The following KAZN variants were observed in gnomAD, a reference collection of about 807,000 sequenced individuals.
KAZN encodes the protein kazrin.
A neutral mutation model predicts 87.4 loss-of-function variants in KAZN; 40 were observed. That is an observed-to-expected ratio of 0.46 (90% CI 0.36 to 0.60). KAZN has a LOEUF of 0.60. Ranked by LOEUF, KAZN falls within the 20% of genes least tolerant of loss-of-function variation. The probability of loss-of-function intolerance (pLI) is 0.00; values close to 1 mark genes in which losing one functional copy is unlikely to be tolerated. For missense variants in KAZN, 898 were observed against 1,073.9 expected, an observed-to-expected ratio of 0.84 and a Z score of 2.29; for synonymous variants, 466 against 458.3, an observed-to-expected ratio of 1.02 and a Z score of -0.22.
intron 1 of KAZN, among the ~76,000 whole-genome samples, chr1:14,670,897 A>G (rs1318137094): frequency 6.6e-6 from 1 of 152,216 alleles, no homozygotes; most frequent in Non-Finnish European, 1.5e-5. Flanking sequence ...GGAACATTTG[A>G]CAATGTCTGA....
chr1:14,451,774 G>T (rs1667290780), intron 2 of KAZN, among the ~76,000 whole-genome samples: 1 of 152,172 alleles, frequency 6.6e-6, no homozygotes, highest in Non-Finnish European at 1.5e-5. Flanking sequence ...AAGAGCTGAT[G>T]ATGGTGTAAG....
chr1:14,387,848 C>T (rs991519328), intron 2 of KAZN, among the ~76,000 whole-genome samples: 8 of 152,164 alleles, frequency 5.3e-5, no homozygotes, highest in African/African-American at 1.4e-4. Context: ...CCACCCAGTT[C>T]GAGCTTCCCG....
chr1:15,013,599 T>C (rs1450559558), intron 2 of KAZN, among the ~76,000 whole-genome samples: 1 of 151,178 alleles, frequency 6.6e-6, no homozygotes, highest in African/African-American at 2.5e-5. Flanking sequence ...ATTAAAAAAA[T>C]ATAAAAATTA....
intron 1 of KAZN, among the ~76,000 whole-genome samples, chr1:14,076,540 C>T (rs1306940356): frequency 5.9e-5 from 9 of 152,140 alleles, no homozygotes; most frequent in Non-Finnish European, 1.2e-4. Flanking sequence ...GTTTAAGCCA[C>T]CTAGTCTGTG....
intron 1 of KAZN, among the ~76,000 whole-genome samples, chr1:14,834,356 C>CTTTTTT (rs34228625): frequency 3.4e-5 from 3 of 88,656 alleles, no homozygotes; most frequent in Non-Finnish European, 6.3e-5. Context: ...AAGTCACTTC[C>CTTTTTT]TTTTTTTTTT....
intron 2 of KAZN, among the ~76,000 whole-genome samples, chr1:14,962,720 C>A (rs1664025370): frequency 6.6e-6 from 1 of 152,154 alleles, no homozygotes; most frequent in Non-Finnish European, 1.5e-5. Flanking sequence ...CATTCTGTGT[C>A]CCAGGGACAG....
intron 1 of KAZN, among the ~76,000 whole-genome samples, chr1:14,801,047 TC>T (rs1190046474): frequency 4.2e-4 from 54 of 128,730 alleles, no homozygotes; most frequent in Admixed American, 1.8e-3. Flanking sequence ...GAACTTTATC[TC>T]AAAAAAAAAA....
At chr1:15,073,685 T>C (rs1299858765) in intron 8 of KAZN, among the ~76,000 whole-genome samples, 1 of 152,166 alleles carries the variant, frequency 6.6e-6, no homozygotes, top group African/African-American at 2.4e-5. Flanking sequence ...GAGAGATGCA[T>C]AGCCAGGAAG....
chr1:14,765,651 G>A (rs1417695835), intron 1 of KAZN, among the ~76,000 whole-genome samples: 1 of 152,196 alleles, frequency 6.6e-6, no homozygotes, highest in African/African-American at 2.4e-5. Context: ...GGGAAGGAAG[G>A]AGTGTTGGTA....
chr1:14,929,151 CT>C (rs1659509756), intron 1 of KAZN, among the ~76,000 whole-genome samples: 1 of 152,248 alleles, frequency 6.6e-6, no homozygotes, highest in Non-Finnish European at 1.5e-5. Context: ...TCCTTTCCCC[CT>C]GTGGGGCCTG....
intron 1 of KAZN, among the ~76,000 whole-genome samples, chr1:14,745,418 G>T (rs1287734410): frequency 6.6e-6 from 1 of 152,172 alleles, no homozygotes; most frequent in African/African-American, 2.4e-5. Context: ...TTTTTTCTCT[G>T]CTGGTTGCAA....
intron 1 of KAZN, among the ~76,000 whole-genome samples, chr1:14,721,083 G>C (rs980411419): frequency 3.9e-5 from 6 of 152,210 alleles, no homozygotes; most frequent in Non-Finnish European, 8.8e-5. Context: ...CCTGAGCGGT[G>C]GTATTGATGC....
At chr1:14,239,096 C>A (rs1471552219) in intron 2 of KAZN, among the ~76,000 whole-genome samples, 2 of 152,288 alleles carry the variant, frequency 1.3e-5, no homozygotes, top group East Asian at 3.9e-4. Flanking sequence ...GGCTGAACTG[C>A]ATGTTCTCCA....
intron 2 of KAZN, among the ~76,000 whole-genome samples, chr1:14,508,043 G>T (rs1003393987): frequency 6.8e-6 from 1 of 147,532 alleles, no homozygotes; most frequent in Admixed American, 6.7e-5. Context: ...CTCTCAGATG[G>T]ACCCAATTCT....
intron 2 of KAZN, among the ~76,000 whole-genome samples, chr1:14,427,602 C>CTG (rs200162718): frequency 8.8e-5 from 10 of 113,436 alleles, no homozygotes; most frequent in South Asian, 7.8e-4. Context: ...TACATGTATA[C>CTG]TGTGTGTGTG....
intron 1 of KAZN, among the ~76,000 whole-genome samples, chr1:14,139,594 A>G (rs1488327701): frequency 6.6e-6 from 1 of 152,110 alleles, no homozygotes; most frequent in Admixed American, 6.5e-5. Context: ...CTGATATTTT[A>G]GTTATTTATA....
At chr1:15,039,851 G>GC (rs1237357639) in intron 3 of KAZN, among the ~76,000 whole-genome samples, 1 of 152,222 alleles carries the variant, frequency 6.6e-6, no homozygotes, top group African/African-American at 2.4e-5. Context: ...GGCTATGACT[G>GC]CCGGGGGCAG....
intron 2 of KAZN, among the ~76,000 whole-genome samples, chr1:14,501,881 T>C (rs1670274415): frequency 1.3e-5 from 2 of 152,218 alleles, no homozygotes; most frequent in South Asian, 4.1e-4. Context: ...AGTCATATTG[T>C]ATGATTTCAC....
intron 2 of KAZN, among the ~76,000 whole-genome samples, chr1:15,020,402 C>T (rs1670547646): frequency 6.6e-6 from 1 of 152,158 alleles, no homozygotes; most frequent in South Asian, 2.1e-4. Context: ...TCATTCGCTT[C>T]CCAGAAGCCC....
Sources: allele counts gnomAD v4.1 joint callset (sites outside exome capture counted in the v4.1 genomes callset), GRCh38; gene constraint gnomAD v4.1.1; transcripts MANE v1.5; gene names NCBI Gene and HGNC (gene_info 2026-07-23, HGNC 2026-07-21).